Variants in DHRS7 observed in about 807,000 individuals in gnomAD.
DHRS7 encodes the protein dehydrogenase/reductase 7.
A neutral mutation model predicts 38.9 loss-of-function variants in DHRS7; 34 were observed. The observed-to-expected ratio is 0.87, with a 90% CI of 0.66 to 1.16. DHRS7 has a LOEUF of 1.16. Among genes scored for constraint, DHRS7 ranks in the 50% most tolerant of loss-of-function variants. The probability of loss-of-function intolerance (pLI) is 0.00; values close to 1 mark genes in which losing one functional copy is unlikely to be tolerated. For synonymous variants in DHRS7, 158 were observed against 153.1 expected (o/e 1.03, Z -0.24); for missense variants, 421 against 407.0 (o/e 1.03, Z -0.30).
At chr14:60,157,012 G>A (rs1896674020) in intron 1 of DHRS7, among the ~76,000 whole-genome samples, 1 of 152,180 alleles carries the variant, frequency 6.6e-6, no homozygotes, top group Non-Finnish European at 1.5e-5. Flanking sequence ...GTTATGCAAA[G>A]TTCCTGGGTG....
chr14:60,165,188 C>G lies in DHRS7; in HGVS notation c.122G>C (p.Gly41Ala), dbSNP rs746313916. The stretch of plus-strand genomic sequence containing the variant: ...TGGCCGGTCCTCACCTGGGCGTCGT[C>G]CCTGCCACTCGGCCCATAGTAGCGT... The part of the protein sequence containing the change: ...DLTLLWAEWQ[G>A]RRPEWELTDM... The change falls in exon 1 of 7, where the codon GGA (glycine) becomes GCA (alanine). Residue 41 changes from glycine (G) to alanine (A), a missense_variant. Gly to Ala is a moderately conservative substitution (Grantham distance 60). Transcript: ENST00000557185. The surrounding 1 kb of genome is among the most constrained non-coding windows in gnomAD (Gnocchi z 4.6). The G allele has an allele frequency of 6.2e-7, 1 of 1,612,842 alleles. No homozygotes were observed. Among genetic ancestry groups the G allele is most frequent in the South Asian group, 1.1e-5 (1 of 90,970 alleles).
chr14:60,166,098 A>G (rs1896863876), upstream of DHRS7: 1 of 427,868 alleles, frequency 2.3e-6, no homozygotes, highest in Non-Finnish European at 3.1e-6. Context: ...GAAAACACCA[A>G]GGTCTTGCCT....
chr14:60,150,529 A>G (rs1188066069), intron 4 of DHRS7, among the ~76,000 whole-genome samples: 3 of 150,572 alleles, frequency 2.0e-5, no homozygotes, highest in Admixed American at 6.6e-5. Flanking sequence ...AAGTGTTCTC[A>G]TTGTTCAATT....
intron 6 of DHRS7, 37 bp downstream of exon 6, chr14:60,149,316 G>T: frequency 6.3e-7 from 1 of 1,583,298 alleles, no homozygotes; most frequent in South Asian, 1.1e-5. Context: ...CTGCAAGATT[G>T]GTACATACTA....
At chr14:60,147,234 CAAA>C (rs913774311) in intron 6 of DHRS7, 1 of 149,460 alleles carries the variant, frequency 6.7e-6, no homozygotes, top group Non-Finnish European at 1.5e-5. Context: ...GACCCTGTCT[CAAA>C]GAAAAAAAAT....
intron 1 of DHRS7, among the ~76,000 whole-genome samples, chr14:60,164,043 AT>A (rs1447915055): frequency 6.6e-5 from 10 of 152,074 alleles, no homozygotes; most frequent in Non-Finnish European, 1.3e-4. Context: ...CATGTTGTGT[AT>A]TTTTCGTGAA....
Position 60,164,348 on chromosome 14 carries a change from A to G in DHRS7, c.133+829T>C, listed in dbSNP as rs553012526. Among the ~76,000 whole-genome samples, 8 of 151,472 alleles carry G rather than the reference A, an allele frequency of 5.3e-5. No individual in the cohort carries two copies. The South Asian group carries it at 1.5e-3, about 28-fold the overall frequency. On this transcript the variant is annotated intron_variant, in intron 1 of 6. Coordinates refer to ENST00000557185, the MANE Select transcript of DHRS7 (RefSeq NM_016029.4). ...ATGCTTTGAGTATTTTTATACCAGA[A>G]ACTTGGTCCAGGGAAACCCCATTTC...
intron 2 of DHRS7, among the ~76,000 whole-genome samples, chr14:60,154,959 C>T (rs952955156): frequency 6.6e-6 from 1 of 151,870 alleles, no homozygotes; most frequent in Non-Finnish European, 1.5e-5. Flanking sequence ...TGTTGCCCTG[C>T]TGAGCACTAC....
Position 60,150,328 on chromosome 14 carries a change from TTATTA to T in DHRS7, c.634-146_634-142del, listed in dbSNP as rs572182801. ...CAAGCTTATTAGGCACTTTTTTTTA[TTATTA>T]TATTTTAAGTTCTAGGGTACATGTG... On this transcript the variant is annotated intron_variant, in intron 4 of 6. Coordinates refer to ENST00000557185, the MANE Select transcript of DHRS7 (RefSeq NM_016029.4). The T allele has an allele frequency of 1.7e-5, 12 of 711,136 alleles. No individual in the cohort carries two copies. In the South Asian group the frequency reaches 3.1e-4, roughly 18 times the overall value. The allele number at this position is 711,136 out of a possible 1,614,324, so 44.1% of individuals were successfully genotyped here.
chr14:60,158,481 AAC>A (rs1274834110), intron 1 of DHRS7, among the ~76,000 whole-genome samples: 1 of 151,678 alleles, frequency 6.6e-6, no homozygotes, highest in Non-Finnish European at 1.5e-5. Context: ...TTGTTTTAGA[AAC>A]ACAGGATTTA....
chr14:60,156,229 AG>A, intron 1 of DHRS7, 77 bp from the exon 2 acceptor site: 1 of 1,337,978 alleles, frequency 7.5e-7, no homozygotes, highest in Non-Finnish European at 9.9e-7. Flanking sequence ...GAAAAAAAAA[AG>A]AAAGCCTTAA....
chr14:60,166,294 G>C, upstream of DHRS7: 1 of 985,386 alleles, frequency 1.0e-6, no homozygotes, highest in Admixed American at 6.1e-5. Flanking sequence ...GAGGGACCCA[G>C]TTAGAGTGCA....
Position 60,144,443 on chromosome 14 carries a change from T to G in DHRS7, c.*523A>C, listed in dbSNP as rs1896347427. ...AGTAATGAATGAGATTAAATGCTCT[T>G]TTGAAAGCATTTTGCTCCTCTTTCC... On this transcript the variant is annotated 3_prime_UTR_variant, in exon 7 of 7. Coordinates refer to ENST00000557185, the MANE Select transcript of DHRS7 (RefSeq NM_016029.4). 6.5e-6 allele frequency: 1 copy of G among 153,718 alleles called. No individual in the cohort carries two copies. The highest frequency in any genetic ancestry group is 2.4e-5 in the African/African-American group (1 of 41,464). The allele number at this position is 153,718 out of a possible 1,614,324, so 9.5% of individuals were successfully genotyped here.
upstream of DHRS7, among the ~76,000 whole-genome samples, chr14:60,169,423 G>A (rs932859189): frequency 6.6e-6 from 1 of 152,186 alleles, no homozygotes; most frequent in Admixed American, 6.5e-5. Flanking sequence ...TGACTCCCAA[G>A]GATAGGTCAC....
upstream of DHRS7, chr14:60,168,737 T>C: frequency 1.9e-6 from 3 of 1,559,378 alleles, no homozygotes; most frequent in Non-Finnish European, 2.6e-6. Flanking sequence ...AAATTTATGG[T>C]CTCAGATTTA....
chr14:60,144,950 A>C lies in DHRS7; in HGVS notation c.*16T>G. On this transcript the variant is annotated 3_prime_UTR_variant, in exon 7 of 7. Transcript: ENST00000557185. ...CATTTCTCCCTCCAGTGGCTTGAAA[A>C]GTACAGGTGCTCTTTTCAGTCATGT... 6.2e-7 allele frequency: 1 copy of C among 1,601,352 alleles called. No individual in the cohort carries two copies. Among genetic ancestry groups the C allele is most frequent in the Non-Finnish European group, 8.5e-7 (1 of 1,170,430 alleles).
Position 60,153,037 on chromosome 14 carries a change from C to T in DHRS7, c.535G>A (p.Glu179Lys), listed in dbSNP as rs146061320. 60 of 1,614,042 alleles carry T rather than the reference C, an allele frequency of 3.7e-5. No homozygotes were observed. Among genetic ancestry groups the T allele is most frequent in the Middle Eastern group, 1.6e-4 (1 of 6,084 alleles). The part of the protein sequence containing the change: ...LTKCVLPHMI[E>K]RKQGKIVTVN... The stretch of plus-strand genomic sequence containing the variant: ...GTAACAATCTTTCCTTGCTTCCTCT[C>T]GATCATGTGAGGCAGAACACATTTT... Residue 179 changes from glutamate to lysine, a missense_variant, in exon 4 of 7, where the codon GAG (glutamate) becomes AAG (lysine). Glu to Lys is a moderately conservative substitution (Grantham distance 56). Transcript: ENST00000557185. The surrounding 1 kb of genome is among the most constrained non-coding windows in gnomAD (Gnocchi z 4.4).
At chr14:60,163,146 G>T (rs549636025) in intron 1 of DHRS7, among the ~76,000 whole-genome samples, 90 of 150,950 alleles carry the variant, frequency 6.0e-4, no homozygotes, top group African/African-American at 2.1e-3. Context: ...CTCCAGCCTG[G>T]CCAACAGAGC....
rs187721808 is a variant in DHRS7, at chr14:60,164,080, T to A, written c.133+1097A>T. Reference sequence around the variant, plus strand: ...CTCAATGTCAGTGCTGCACATGCTATACCCAAGAAAACCCAACCAGAAAAA... The same window carrying A: ...CTCAATGTCAGTGCTGCACATGCTAAACCCAAGAAAACCCAACCAGAAAAA... On this transcript the variant is annotated intron_variant, in intron 1 of 6. Coordinates refer to ENST00000557185, the MANE Select transcript of DHRS7 (RefSeq NM_016029.4). 2.9e-3 allele frequency among the ~76,000 whole-genome samples: 438 copies of A among 152,068 alleles called. 3 individuals carry two copies. The highest frequency in any genetic ancestry group is 3.2e-3 in the Non-Finnish European group (218 of 67,986).
Sources: allele counts gnomAD v4.1 joint callset (sites outside exome capture counted in the v4.1 genomes callset), GRCh38; gene constraint gnomAD v4.1.1; non-coding constraint Gnocchi (gnomAD v3.1); transcripts MANE v1.5; gene names NCBI Gene and HGNC (gene_info 2026-07-23, HGNC 2026-07-21).